CARMIL1: variants seen among roughly 807,000 people sequenced by gnomAD.
The protein encoded by CARMIL1 is F-actin-uncapping protein LRRC16A.
Under a neutral mutation model 177.1 loss-of-function variants are expected in CARMIL1, and 90 were observed. That is an observed-to-expected ratio of 0.51 (90% CI 0.43 to 0.61). CARMIL1 has a LOEUF of 0.61. Ranked by LOEUF, CARMIL1 falls within the 20% of genes least tolerant of loss-of-function variation. CARMIL1 has a pLI of 0.00. For missense variants in CARMIL1, 1,380 were observed against 1,667.0 expected (o/e 0.83, Z 3.00); for synonymous variants, 577 against 606.2 (o/e 0.95, Z 0.71).
intron 2 of CARMIL1, among the ~76,000 whole-genome samples, chr6:25,319,996 C>T (rs1394575322): frequency 6.6e-6 from 1 of 152,056 alleles, no homozygotes; most frequent in Non-Finnish European, 1.5e-5. Flanking sequence ...ATGTTATGTT[C>T]GGACATTAGT....
At chr6:25,311,762 G>A (rs1232889984) in intron 2 of CARMIL1, among the ~76,000 whole-genome samples, 1 of 152,168 alleles carries the variant, frequency 6.6e-6, no homozygotes, top group African/African-American at 2.4e-5. Context: ...AGTTTAGAAG[G>A]GAAAAGTGGG....
intron 1 of CARMIL1, among the ~76,000 whole-genome samples, chr6:25,281,424 C>T (rs992975981): frequency 1.3e-5 from 2 of 151,892 alleles, no homozygotes; most frequent in Non-Finnish European, 2.9e-5. Flanking sequence ...AAGGAGTTGT[C>T]CTTAAGTCTG....
intron 9 of CARMIL1, among the ~76,000 whole-genome samples, chr6:25,469,034 T>G (rs1800874681): frequency 6.6e-6 from 1 of 152,204 alleles, no homozygotes; most frequent in African/African-American, 2.4e-5. Context: ...ATGTACATTG[T>G]GAGATAAAGA....
intron 23 of CARMIL1, chr6:25,527,611 G>A (rs1422144470): frequency 5.1e-6 from 2 of 389,924 alleles, no homozygotes; most frequent in Admixed American, 3.8e-5. Flanking sequence ...GACTTCTTGG[G>A]AAGCAGCAAG....
chr6:25,491,404 C>T (rs1394057295), intron 13 of CARMIL1, among the ~76,000 whole-genome samples: 1 of 152,140 alleles, frequency 6.6e-6, no homozygotes, highest in Non-Finnish European at 1.5e-5. Context: ...GTATTTTAAT[C>T]TCAGGGGTTA....
intron 11 of CARMIL1, among the ~76,000 whole-genome samples, chr6:25,481,432 T>C (rs747712623): frequency 2.2e-4 from 33 of 152,212 alleles, no homozygotes; most frequent in Admixed American, 1.3e-3. Flanking sequence ...TAATTTCTTA[T>C]TGCTGCCTGA....
At chr6:25,586,530 G>A (rs1338757532) in intron 31 of CARMIL1, among the ~76,000 whole-genome samples, 1 of 150,932 alleles carries the variant, frequency 6.6e-6, no homozygotes, top group Non-Finnish European at 1.5e-5. Context: ...AGGCAGAGAC[G>A]CTCCTCACTT....
chr6:25,351,714 C>G (rs1214496466), intron 2 of CARMIL1, among the ~76,000 whole-genome samples: 1 of 152,148 alleles, frequency 6.6e-6, no homozygotes, highest in East Asian at 1.9e-4. Context: ...AGCTACTTGA[C>G]CTTGGGTCAA....
chr6:25,326,045 A>G lies in CARMIL1; in HGVS notation c.138+41136A>G, dbSNP rs1186390406. On this transcript the variant is annotated intron_variant, in intron 2 of 36. Transcript: ENST00000329474. The surrounding 1 kb of genome is among the most constrained non-coding windows in gnomAD (Gnocchi z 4.2). The stretch of plus-strand genomic sequence containing the variant: ...CCAGCTCGCCCGGCTAATTTTTTGT[A>G]TTTTAGTAGAGACGGAGTTTCACCG... 6.6e-6 allele frequency among the ~76,000 whole-genome samples: 1 copy of G among 151,964 alleles called. No homozygotes were observed. The highest frequency in any genetic ancestry group is 2.4e-5 in the African/African-American group (1 of 41,374).
chr6:25,522,526 G>A (rs1806677146), intron 23 of CARMIL1, among the ~76,000 whole-genome samples: 1 of 152,186 alleles, frequency 6.6e-6, no homozygotes. Flanking sequence ...CTGTATTCCA[G>A]ACATCCTTTT....
At chr6:25,329,075 C>T (rs761300187) in intron 2 of CARMIL1, among the ~76,000 whole-genome samples, 6 of 152,276 alleles carry the variant, frequency 3.9e-5, no homozygotes, top group Non-Finnish European at 7.4e-5. Flanking sequence ...GCAACTTAGG[C>T]GTAAAGCCAG....
chr6:25,331,385 AT>A (rs1380522520), intron 2 of CARMIL1, among the ~76,000 whole-genome samples: 1 of 152,094 alleles, frequency 6.6e-6, no homozygotes, highest in Non-Finnish European at 1.5e-5. Flanking sequence ...GGCTAAAGAG[AT>A]TTTGTGGGTA....
chr6:25,551,219 A>G, intron 27 of CARMIL1, 134 bp downstream of exon 27: 1 of 657,962 alleles, frequency 1.5e-6, no homozygotes, highest in Non-Finnish European at 2.6e-6. Context: ...GAAACTGTAT[A>G]TAAATATAAC....
In CARMIL1 at chr6:25,392,538, T is replaced by C. The variant is rs200208223; in HGVS notation, c.139-27576T>C. On this transcript the variant is annotated intron_variant, in intron 2 of 36. Coordinates refer to ENST00000329474, the MANE Select transcript of CARMIL1 (RefSeq NM_017640.6). The stretch of plus-strand genomic sequence containing the variant: ...ACCTACTTCCTTCAGCTTTTCCTTA[T>C]GTGACATGTTTGCAAACTGCTCAGC... Among the ~76,000 whole-genome samples, 57 of 152,336 alleles carry C rather than the reference T, an allele frequency of 3.7e-4. No homozygotes were observed. In the East Asian group the frequency reaches 0.011, roughly 29 times the overall value.
chr6:25,403,468 C>T (rs2150590379), intron 2 of CARMIL1, among the ~76,000 whole-genome samples: 1 of 152,294 alleles, frequency 6.6e-6, no homozygotes, highest in Admixed American at 6.5e-5. Context: ...ACAGTGTGGA[C>T]AACAGCCAAT....
chr6:25,385,295 G>A (rs1349126811), intron 2 of CARMIL1, among the ~76,000 whole-genome samples: 2 of 152,240 alleles, frequency 1.3e-5, no homozygotes. Flanking sequence ...CTGTGACAGA[G>A]TTTGAACTTC....
Position 25,491,681 on chromosome 6 carries a change from G to A in CARMIL1, c.1066-51G>A, listed in dbSNP as rs1268203898. The A allele has an allele frequency of 4.4e-6, 5 of 1,131,972 alleles. No homozygotes were observed. The African/African-American group carries it at 4.7e-5, about 11-fold the overall frequency. 70.1% of individuals were successfully genotyped at this position (1,131,972 alleles called of 1,614,324 possible). On this transcript the variant is annotated intron_variant, in intron 13 of 36. Transcript: ENST00000329474. ...TTTAAAACATTAACTTGCATTGTGT[G>A]TATGTGTGTGTTTCTAGAATCCTAA...
At chr6:25,455,091 T>C (rs1353075773) in intron 8 of CARMIL1, among the ~76,000 whole-genome samples, 2 of 152,194 alleles carry the variant, frequency 1.3e-5, no homozygotes, top group Non-Finnish European at 2.9e-5. Flanking sequence ...ATGTTCCCTA[T>C]TTGAACATAT....
intron 26 of CARMIL1, among the ~76,000 whole-genome samples, chr6:25,545,708 A>G (rs933210860): frequency 2.0e-5 from 3 of 152,168 alleles, no homozygotes; most frequent in African/African-American, 7.2e-5. Flanking sequence ...CAGAGACCGT[A>G]TTTTCTGGTC....
Sources: gnomAD v4.1 joint callset for allele counts (sites outside exome capture counted in the v4.1 genomes callset) on GRCh38, gnomAD v4.1.1 for gene constraint, Gnocchi (gnomAD v3.1) non-coding constraint, MANE v1.5 for transcripts, NCBI Gene and HGNC (gene_info 2026-07-23, HGNC 2026-07-21) for gene names.